Variants in ANKRD36C observed in about 807,000 individuals in gnomAD.
ANKRD36C encodes the protein ankyrin repeat domain 36C.
In ANKRD36C, 61 loss-of-function variants were observed where a neutral mutation model predicts 276.4. That is an observed-to-expected ratio of 0.22 (90% CI 0.18 to 0.27). The LOEUF (loss-of-function observed/expected upper bound fraction) is 0.27, where lower values mean the gene tolerates loss of function less well. Among genes scored for constraint, ANKRD36C ranks in the 10% least tolerant of loss-of-function variants. The pLI is 1.00. For synonymous variants in ANKRD36C, 483 were observed against 680.1 expected (o/e 0.71, Z 4.51); for missense variants, 1,447 against 2,032.3 (o/e 0.71, Z 5.54).
intron 42 of ANKRD36C, among the ~76,000 whole-genome samples, chr2:95,903,529 G>T (rs1179095163): frequency 6.6e-6 from 1 of 151,478 alleles, no homozygotes; most frequent in Non-Finnish European, 1.5e-5. Context: ...CCCAATAACT[G>T]AGAAGGCACA....
chr2:95,937,590 G>T, intron 22 of ANKRD36C, among the ~76,000 whole-genome samples: 1 of 152,302 alleles, frequency 6.6e-6, no homozygotes, highest in African/African-American at 2.4e-5. Flanking sequence ...GCCCAACAAA[G>T]GGGTCCTAAA....
At chr2:95,853,774 G>A (rs1337544247) in exon 64 of ANKRD36C, 1 of 1,604,072 alleles carries the variant, frequency 6.2e-7, no homozygotes, top group Non-Finnish European at 8.5e-7. Context: ...TAGATGCAGT[G>A]ACGCGATGAA....
intron 42 of ANKRD36C, among the ~76,000 whole-genome samples, chr2:95,909,907 G>C (rs1676859848): frequency 6.7e-6 from 1 of 150,182 alleles, no homozygotes; most frequent in African/African-American, 2.4e-5. Flanking sequence ...ACACCTTCCT[G>C]CCTCACAATC....
chr2:95,871,610 A>C (rs1423598790), intron 59 of ANKRD36C, among the ~76,000 whole-genome samples: 1 of 152,188 alleles, frequency 6.6e-6, no homozygotes, highest in Non-Finnish European at 1.5e-5. Flanking sequence ...TGCATTAACT[A>C]ATGAGCAAAA....
At chr2:95,938,592 A>G (rs1016744593) in intron 22 of ANKRD36C, among the ~76,000 whole-genome samples, 8 of 152,242 alleles carry the variant, frequency 5.3e-5, no homozygotes, top group Non-Finnish European at 1.2e-4. Flanking sequence ...CAACACTGGG[A>G]TCTTTAAATG....
chr2:95,966,464 A>C (rs1303707481), intron 6 of ANKRD36C, among the ~76,000 whole-genome samples: 1 of 152,170 alleles, frequency 6.6e-6, no homozygotes, highest in Non-Finnish European at 1.5e-5. Context: ...GTCAAAGATC[A>C]GATGGTGTCG....
chr2:95,970,579 C>A (rs1443758202), intron 6 of ANKRD36C, among the ~76,000 whole-genome samples: 1 of 152,116 alleles, frequency 6.6e-6, no homozygotes, highest in Non-Finnish European at 1.5e-5. Context: ...ACAACAACAA[C>A]AACAAATCTT....
intron 38 of ANKRD36C, 147 bp from the exon 41 acceptor site, chr2:95,914,450 A>C: frequency 9.2e-7 from 1 of 1,083,380 alleles, no homozygotes; most frequent in South Asian, 1.4e-5. Context: ...GGGGACTAGA[A>C]CATGATAGAA....
At chr2:95,944,676 A>G (rs1178519507) in exon 19 of ANKRD36C, 64 of 1,537,072 alleles carry the variant, frequency 4.2e-5, no homozygotes, top group Admixed American at 5.9e-5. Flanking sequence ...TGTTTTGTCA[A>G]TGCCACATGC....
Position 95,976,840 on chromosome 2 carries a change from T to C in ANKRD36C, c.799+1282A>G, listed in dbSNP as rs373027543. Among the ~76,000 whole-genome samples the C allele has an allele frequency of 2.6e-5, 4 of 152,072 alleles. No homozygotes were observed. The South Asian group carries it at 8.3e-4, about 32-fold the overall frequency. On this transcript the variant is annotated intron_variant, in intron 6 of 66. Transcript: ENST00000456556. ...CTTACTTGTTAGAATTCATACTCCC[T>C]CCTTAAAATTCTCACTTTTTTTATT...
chr2:95,895,767 C>T (rs1376477587), intron 44 of ANKRD36C, among the ~76,000 whole-genome samples, 177 bp from the exon 61 acceptor site: 2 of 151,004 alleles, frequency 1.3e-5, no homozygotes, highest in African/African-American at 2.4e-5. Context: ...AAAAAGGGAA[C>T]ACAGGCTCCA....
chr2:95,903,126 C>G (rs1443953442), intron 42 of ANKRD36C, 45 bp from the exon 53 acceptor site: 6 of 1,543,238 alleles, frequency 3.9e-6, no homozygotes, highest in Non-Finnish European at 4.4e-6. Flanking sequence ...GTAAAAATGA[C>G]AAAATTATCC....
At chr2:95,964,293 C>T (rs1410303179) in intron 6 of ANKRD36C, among the ~76,000 whole-genome samples, 3 of 151,670 alleles carry the variant, frequency 2.0e-5, no homozygotes, top group Non-Finnish European at 4.4e-5. Context: ...AAATGAAACC[C>T]TGTGGGTCAC....
chr2:95,889,182 G>C (rs1676273597), intron 48 of ANKRD36C, among the ~76,000 whole-genome samples: 1 of 151,524 alleles, frequency 6.6e-6, no homozygotes, highest in Non-Finnish European at 1.5e-5. Context: ...TTCTAGCATA[G>C]TTTCCTGCTT....
chr2:95,967,964 C>T (rs141867118), intron 6 of ANKRD36C, among the ~76,000 whole-genome samples: 9 of 152,078 alleles, frequency 5.9e-5, no homozygotes, highest in South Asian at 2.1e-4. Context: ...TGGTGGCACA[C>T]GTATGTAATC....
rs556577319 is a variant in ANKRD36C at position 95,890,123 on chromosome 2, T to G, written c.2858-129A>C. ...AGTGTAGGCTTTGATGGCTTCTATATTGTGTCGGGGACAAGAACATGACAG... is the reference window on the plus strand; with the variant it reads ...AGTGTAGGCTTTGATGGCTTCTATAGTGTGTCGGGGACAAGAACATGACAG... On this transcript the variant is annotated intron_variant, in intron 46 of 66. Coordinates refer to ENST00000456556, the Ensembl canonical transcript of ANKRD36C. 2.4e-6 allele frequency: 3 copies of G among 1,253,656 alleles called. No individual in the cohort carries two copies. The East Asian group carries it at 7.4e-5, about 31-fold the overall frequency. 77.7% of individuals were successfully genotyped at this position (1,253,656 alleles called of 1,614,324 possible).
downstream of ANKRD36C, among the ~76,000 whole-genome samples, chr2:95,850,208 A>G (rs1410470677): frequency 2.6e-5 from 4 of 152,388 alleles, no homozygotes; most frequent in Admixed American, 1.3e-4. Context: ...CTCACTCTTC[A>G]TTCATGTATT....
intron 59 of ANKRD36C, chr2:95,876,120 T>A (rs1280631294): frequency 6.8e-5 from 22 of 324,612 alleles, no homozygotes; most frequent in Non-Finnish European, 1.3e-4. Flanking sequence ...TTGTTCATAA[T>A]TTCTATTGCT....
At chr2:95,915,719 T>G (rs1353052310) in intron 38 of ANKRD36C, among the ~76,000 whole-genome samples, 5 of 151,532 alleles carry the variant, frequency 3.3e-5, no homozygotes, top group East Asian at 2.0e-4. Flanking sequence ...AATTATGCTG[T>G]GCCCCAGAGC....
Sources: gnomAD v4.1 joint callset for allele counts (sites outside exome capture counted in the v4.1 genomes callset) on GRCh38, gnomAD v4.1.1 for gene constraint, MANE v1.5 for transcripts, NCBI Gene and HGNC (gene_info 2026-07-23, HGNC 2026-07-21) for gene names.